Variants in SGSM1 observed in about 807,000 individuals in gnomAD.
SGSM1 encodes the protein RUN and TBC1 domain containing 2.
In SGSM1, 73 loss-of-function variants were observed where a neutral mutation model predicts 133.8. The observed-to-expected ratio is 0.55, with a 90% CI of 0.45 to 0.66. The LOEUF is 0.66. Ranked by LOEUF, SGSM1 falls within the 30% of genes least tolerant of loss-of-function variation. SGSM1 has a pLI of 0.00. For missense variants in SGSM1, 1,213 were observed against 1,448.1 expected, an observed-to-expected ratio of 0.84 and a Z score of 2.64; for synonymous variants, 563 against 573.0, an observed-to-expected ratio of 0.98 and a Z score of 0.25.
At chr22:24,817,650 C>G (rs1379566653) in intron 2 of SGSM1, among the ~76,000 whole-genome samples, 1 of 152,204 alleles carries the variant, frequency 6.6e-6, no homozygotes, top group Non-Finnish European at 1.5e-5. Flanking sequence ...CGCTCCCGGC[C>G]ATGAGTATCC....
At chr22:24,827,522 A>G (rs1473201707) in intron 2 of SGSM1, among the ~76,000 whole-genome samples, 1 of 151,988 alleles carries the variant, frequency 6.6e-6, no homozygotes, top group African/African-American at 2.4e-5. Context: ...GGTCCTGACT[A>G]GCCAGCAGGT....
In SGSM1 at chr22:24,886,702, G is replaced by A. The variant is rs757539280; in HGVS notation, c.1744G>A (p.Gly582Arg). 8 of 1,582,184 alleles carry A rather than the reference G, an allele frequency of 5.1e-6. No individual in the cohort carries two copies. The highest frequency in any genetic ancestry group is 1.8e-5 in the Admixed American group (1 of 54,580). The change falls in exon 16 of 25, where the codon GGG becomes AGG. Residue 582 changes from glycine (G) to arginine (R), a missense_variant. Transcript: ENST00000400358. ...WPFLLGHYQF[G>R]MTETERKEVD... The stretch of plus-strand genomic sequence containing the variant: ...CTTCCTCCTGGGCCACTACCAGTTC[G>A]GGATGACGGAAACAGAAAGGAAAGA...
chr22:24,884,672 G>A lies in SGSM1; in HGVS notation c.1641+474G>A, dbSNP rs1313639524. Among the ~76,000 whole-genome samples, 3 of 152,228 alleles carry A rather than the reference G, an allele frequency of 2.0e-5. No individual in the cohort carries two copies. In the East Asian group the frequency reaches 5.8e-4, roughly 29 times the overall value. On this transcript the variant is annotated intron_variant, in intron 15 of 24. Coordinates refer to ENST00000400358, the MANE Select transcript of SGSM1 (RefSeq NM_001098497.3). ...TGAAATAGGCTTTTAATATCGGAAT[G>A]TGAATAGATGAGGGGGAAGAGGCCC...
At chr22:24,834,536 G>C (rs1929313456) in intron 2 of SGSM1, among the ~76,000 whole-genome samples, 1 of 152,146 alleles carries the variant, frequency 6.6e-6, no homozygotes. Flanking sequence ...GACCTTTACA[G>C]AAAAAGTTTG....
intron 2 of SGSM1, among the ~76,000 whole-genome samples, chr22:24,808,563 G>A (rs1927553449): frequency 6.6e-6 from 1 of 152,160 alleles, no homozygotes; most frequent in Non-Finnish European, 1.5e-5. Flanking sequence ...GTTTTTGCCT[G>A]GGGTAGCTTT....
At position 24,893,507 on chromosome 22, in the gene SGSM1, G is replaced by C. The variant is rs1360457461; in HGVS notation, c.1847G>C (p.Arg616Thr). 6.2e-7 allele frequency: 1 copy of C among 1,613,364 alleles called. No homozygotes were observed. The highest frequency in any genetic ancestry group is 2.2e-5 in the East Asian group (1 of 44,866). The change falls in exon 17 of 25, where the codon AGG becomes ACG. Residue 616 changes from arginine (R) to threonine (T), a missense_variant. Transcript: ENST00000400358. Reference protein sequence around the residue: ...WLGCEAIVRQRERESHAAALA... With the variant: ...WLGCEAIVRQTERESHAAALA... ...GGCTGCGAGGCGATCGTGCGGCAGA[G>C]GGAGCGGGAGTCCCATGCGGCCGCC...
rs1235308143 is a variant in SGSM1, at chr22:24,881,187, C to G, written c.1495+1661C>G. Among the ~76,000 whole-genome samples, 8 of 115,882 alleles carry G rather than the reference C, an allele frequency of 6.9e-5. 1 individual carries two copies. The highest frequency in any genetic ancestry group is 3.0e-4 in the African/African-American group (8 of 27,116). The allele number at this position is 115,882 out of a possible 152,430, so 76.0% of individuals were successfully genotyped here. On this transcript the variant is annotated intron_variant, in intron 14 of 24. Transcript: ENST00000400358. ...CAGCCTGGGTGACAAAGCAAGACTC[C>G]GTCTCAAAAAAAAAAAAAAAAAAAA...
At chr22:24,817,204 C>T (rs768387422) in intron 2 of SGSM1, among the ~76,000 whole-genome samples, 4 of 152,168 alleles carry the variant, frequency 2.6e-5, no homozygotes, top group South Asian at 2.1e-4. Context: ...CTGTGCCTTC[C>T]TACAGTCCCG....
At chr22:24,873,682 C>T (rs1174737215) in intron 12 of SGSM1, among the ~76,000 whole-genome samples, 1 of 152,142 alleles carries the variant, frequency 6.6e-6, no homozygotes, top group African/African-American at 2.4e-5. Context: ...AAAACCCTAT[C>T]TCTACAAAAA....
Position 24,844,983 on chromosome 22 carries a change from G to C in SGSM1, c.139+11G>C. On this transcript the variant is annotated intron_variant, in intron 3 of 24. Coordinates refer to ENST00000400358, the MANE Select transcript of SGSM1 (RefSeq NM_001098497.3). ...TCATCTCCTTCTGTGGTGAGTCTGTGACCTGGGAAAGTGGCTTCTTTCTCT... is the reference window on the plus strand; with the variant it reads ...TCATCTCCTTCTGTGGTGAGTCTGTCACCTGGGAAAGTGGCTTCTTTCTCT... The C allele has an allele frequency of 1.2e-6, 2 of 1,613,398 alleles. No individual in the cohort carries two copies. Among genetic ancestry groups the C allele is most frequent in the East Asian group, 2.2e-5 (1 of 44,868 alleles).
intron 2 of SGSM1, among the ~76,000 whole-genome samples, chr22:24,808,876 C>T (rs192195711): frequency 3.2e-4 from 49 of 152,226 alleles, no homozygotes; most frequent in Middle Eastern, 3.4e-3. Context: ...TGGGACTTAC[C>T]CCCCAGGTCT....
In SGSM1 at chr22:24,806,378, G is replaced by A. The variant is rs371383838; in HGVS notation, c.19+34G>A. On this transcript the variant is annotated intron_variant, in intron 1 of 24. Coordinates refer to ENST00000400358, the MANE Select transcript of SGSM1 (RefSeq NM_001098497.3). ...CCGCTGGACACGAGGGCGGCGGGAGGGCAGCGCCCGGCCCCCGCACCCTCT... is the reference window on the plus strand; with the variant it reads ...CCGCTGGACACGAGGGCGGCGGGAGAGCAGCGCCCGGCCCCCGCACCCTCT... 1.6e-3 allele frequency: 2,379 copies of A among 1,506,894 alleles called. 30 individuals are homozygous for A. The African/African-American group carries it at 0.028, about 18-fold the overall frequency. The allele number at this position is 1,506,894 out of a possible 1,614,324, so 93.3% of individuals were successfully genotyped here.
At chr22:24,922,988 C>T (rs889212399) in intron 24 of SGSM1, among the ~76,000 whole-genome samples, 9 of 152,094 alleles carry the variant, frequency 5.9e-5, no homozygotes, top group East Asian at 1.9e-4. Flanking sequence ...ATTAGCCCAG[C>T]GTGATGGTGC....
At chr22:24,861,334 AG>A (rs1240386346) in intron 9 of SGSM1, among the ~76,000 whole-genome samples, 1 of 140,130 alleles carries the variant, frequency 7.1e-6, no homozygotes, top group Non-Finnish European at 1.5e-5. Context: ...CCTGGATGAC[AG>A]GGCGAGACTC....
At chr22:24,807,317 ATGTC>A (rs1927464914) in intron 2 of SGSM1, among the ~76,000 whole-genome samples, 1 of 149,300 alleles carries the variant, frequency 6.7e-6, no homozygotes, top group Admixed American at 6.7e-5. Flanking sequence ...GCGTATGAGA[ATGTC>A]TGTGCATCTG....
chr22:24,901,692 C>T (rs1601974074), intron 19 of SGSM1, 141 bp from the exon 20 acceptor site: 2 of 886,300 alleles, frequency 2.3e-6, no homozygotes, highest in Non-Finnish European at 3.3e-6. Context: ...AATCAAACAC[C>T]TGGCTGGTCC....
At chr22:24,872,469 C>T (rs989328640) in intron 12 of SGSM1, among the ~76,000 whole-genome samples, 1 of 151,796 alleles carries the variant, frequency 6.6e-6, no homozygotes, top group African/African-American at 2.4e-5. Flanking sequence ...GTAAGACACA[C>T]ACTGGATTTT....
intron 2 of SGSM1, among the ~76,000 whole-genome samples, chr22:24,820,276 C>A (rs1436092327): frequency 1.3e-5 from 2 of 152,104 alleles, no homozygotes; most frequent in East Asian, 3.9e-4. Context: ...GTCTGAGGAA[C>A]CTGGGCAGGG....
intron 2 of SGSM1, among the ~76,000 whole-genome samples, chr22:24,815,300 A>G (rs961468892): frequency 6.6e-6 from 1 of 152,194 alleles, no homozygotes; most frequent in Non-Finnish European, 1.5e-5. Context: ...CAGAAGGCCA[A>G]TCACTGAGAT....
Sources: allele counts gnomAD v4.1 joint callset (sites outside exome capture counted in the v4.1 genomes callset), GRCh38; gene constraint gnomAD v4.1.1; transcripts MANE v1.5; gene names NCBI Gene and HGNC (gene_info 2026-07-23, HGNC 2026-07-21).